Variants in DLC1 observed in about 807,000 individuals in gnomAD.
DLC1 encodes the protein rho GTPase-activating protein 7.
In DLC1, 54 loss-of-function variants were observed where a neutral mutation model predicts 140.3. The observed-to-expected ratio is 0.38, with a 90% CI of 0.31 to 0.48. The LOEUF is 0.48. Among genes scored for constraint, DLC1 ranks in the 20% least tolerant of loss-of-function variants. The pLI is 0.96. For missense variants in DLC1, 2,536 were observed against 1,907.0 expected (o/e 1.33, Z -6.14); for synonymous variants, 986 against 728.1 (o/e 1.35, Z -5.70).
chr8:13,419,199 C>G (rs1042146717), intron 2 of DLC1, among the ~76,000 whole-genome samples: 1 of 151,804 alleles, frequency 6.6e-6, no homozygotes, highest in Admixed American at 6.6e-5. Context: ...AATTGAATAC[C>G]GTTTATTTCC....
chr8:13,357,319 CTGTT>C (rs1442632080), intron 4 of DLC1, among the ~76,000 whole-genome samples: 2 of 152,188 alleles, frequency 1.3e-5, no homozygotes, highest in African/African-American at 4.8e-5. Flanking sequence ...TCCAAATTCA[CTGTT>C]TGACACCTAT....
intron 5 of DLC1, among the ~76,000 whole-genome samples, chr8:13,136,669 G>C (rs1452730668): frequency 6.6e-6 from 1 of 152,150 alleles, no homozygotes; most frequent in Admixed American, 6.6e-5. Flanking sequence ...CAAGTAGCTG[G>C]CACTACAGGT....
chr8:13,088,911 T>C (rs1012975803), intron 15 of DLC1, among the ~76,000 whole-genome samples: 1 of 152,146 alleles, frequency 6.6e-6, no homozygotes, highest in African/African-American at 2.4e-5. Flanking sequence ...TCCCCAAGCA[T>C]ATTTAAGAGC....
chr8:13,416,192 T>G (rs1211135309), intron 2 of DLC1, among the ~76,000 whole-genome samples: 1 of 152,150 alleles, frequency 6.6e-6, no homozygotes, highest in Non-Finnish European at 1.5e-5. Context: ...TTCACTGTCT[T>G]TCTACATCCT....
chr8:13,436,365 A>G (rs938044633), intron 2 of DLC1, among the ~76,000 whole-genome samples: 5 of 152,220 alleles, frequency 3.3e-5, no homozygotes, highest in Non-Finnish European at 2.9e-5. Context: ...CGAAAATGAC[A>G]TCATATCAAA....
At chr8:13,364,631 C>T (rs1291478408) in intron 4 of DLC1, among the ~76,000 whole-genome samples, 2 of 152,158 alleles carry the variant, frequency 1.3e-5, no homozygotes, top group South Asian at 2.1e-4. Context: ...CTTTTGTTTA[C>T]TGACCCTACA....
intron 4 of DLC1, among the ~76,000 whole-genome samples, chr8:13,360,590 A>G (rs1382407917): frequency 6.6e-6 from 1 of 152,166 alleles, no homozygotes; most frequent in Non-Finnish European, 1.5e-5. Flanking sequence ...TCTCCAGTTA[A>G]TCCTAATATG....
intron 2 of DLC1, among the ~76,000 whole-genome samples, chr8:13,422,282 A>G (rs1323979843): frequency 2.0e-5 from 3 of 152,156 alleles, no homozygotes; most frequent in Non-Finnish European, 2.9e-5. Context: ...TACTGTTCTC[A>G]GAAGCCCATG....
At chr8:13,136,859 T>C (rs1822597778) in intron 5 of DLC1, among the ~76,000 whole-genome samples, 1 of 152,220 alleles carries the variant, frequency 6.6e-6, no homozygotes, top group Non-Finnish European at 1.5e-5. Flanking sequence ...TTTTCATGGC[T>C]GTGTAGTTGA....
chr8:13,430,083 T>G (rs1838791478), intron 2 of DLC1, among the ~76,000 whole-genome samples: 1 of 152,152 alleles, frequency 6.6e-6, no homozygotes. Context: ...TCAGAATCTG[T>G]GGGAATGGTA....
intron 5 of DLC1, among the ~76,000 whole-genome samples, chr8:13,169,414 G>A (rs192771457): frequency 6.3e-4 from 96 of 152,290 alleles, no homozygotes; most frequent in African/African-American, 2.2e-3. Context: ...TTCCTATCTT[G>A]TAAGGTTTTA....
At chr8:13,381,023 AG>A (rs780499991) in intron 4 of DLC1, among the ~76,000 whole-genome samples, 11 of 152,190 alleles carry the variant, frequency 7.2e-5, no homozygotes, top group Non-Finnish European at 1.0e-4. Context: ...GGGACTTCAA[AG>A]GGACCTTATA....
intron 1 of DLC1, among the ~76,000 whole-genome samples, chr8:13,577,537 G>C (rs2410092): frequency 2.3e-4 from 35 of 152,032 alleles, no homozygotes; most frequent in African/African-American, 8.4e-4. Context: ...ATTTGAATTC[G>C]GTATTAATTA....
intron 1 of DLC1, among the ~76,000 whole-genome samples, chr8:13,603,718 C>A (rs965015214): frequency 3.9e-5 from 6 of 151,990 alleles, no homozygotes. Flanking sequence ...TGTGCAATTA[C>A]TTTAGGGAAG....
Position 13,214,793 on chromosome 8 carries a change from G to T in DLC1, c.1348+90476C>A, listed in dbSNP as rs1017662684. 3 of 778,996 alleles carry T rather than the reference G, an allele frequency of 3.9e-6. No individual in the cohort carries two copies. In the South Asian group the frequency reaches 4.0e-5, roughly 10 times the overall value. 48.3% of individuals were successfully genotyped at this position (778,996 alleles called of 1,614,324 possible). On this transcript the variant is annotated intron_variant, in intron 5 of 17. Coordinates refer to ENST00000276297, the MANE Select transcript of DLC1 (RefSeq NM_182643.3). ...TTTACCGCTGCTGGGTTCCAGGGGA[G>T]GTAAAAAGGAGAGGAGAAAATGATT... is the stretch of plus-strand genomic sequence containing the variant.
Position 13,099,341 on chromosome 8 carries a change from T to C in DLC1, c.2990+6A>G. 5 of 1,611,268 alleles carry C rather than the reference T, an allele frequency of 3.1e-6. No homozygotes were observed. Among genetic ancestry groups the C allele is most frequent in the Non-Finnish European group, 1.7e-6 (2 of 1,178,866 alleles). On this transcript the variant is annotated splice_donor_region_variant and intron_variant, in intron 9 of 17. Coordinates refer to ENST00000276297, the MANE Select transcript of DLC1 (RefSeq NM_182643.3). Reference sequence around the variant, plus strand: ...CCACACCCGGAGGCAGGAGAAAAGTTCTTACCTGTTGGACCTGGTTAGGGA... The same window carrying C: ...CCACACCCGGAGGCAGGAGAAAAGTCCTTACCTGTTGGACCTGGTTAGGGA...
At chr8:13,533,048 G>A (rs987053513) in intron 1 of DLC1, among the ~76,000 whole-genome samples, 1 of 152,148 alleles carries the variant, frequency 6.6e-6, no homozygotes. Context: ...TAGATAAAAT[G>A]GGAGTATTAT....
intron 5 of DLC1, among the ~76,000 whole-genome samples, chr8:13,144,273 C>A (rs979843093): frequency 6.6e-6 from 1 of 152,194 alleles, no homozygotes; most frequent in African/African-American, 2.4e-5. Flanking sequence ...CTTCTCTGGC[C>A]TTCAGACTTG....
At position 13,298,384 on chromosome 8, in the gene DLC1, T is replaced by A. The variant is rs76269901; in HGVS notation, c.1348+6885A>T. On this transcript the variant is annotated intron_variant, in intron 5 of 17. Coordinates refer to ENST00000276297, the MANE Select transcript of DLC1 (RefSeq NM_182643.3). Reference sequence around the variant, plus strand: ...TGGCCGTTGGGTTGAGTAGTAGGAGTAATGGAGAAGGTTAAATAAAAAGCT... The same window carrying A: ...TGGCCGTTGGGTTGAGTAGTAGGAGAAATGGAGAAGGTTAAATAAAAAGCT... Among the ~76,000 whole-genome samples, 23 of 152,122 alleles carry A rather than the reference T, an allele frequency of 1.5e-4. 1 individual carries two copies. The East Asian group carries it at 4.4e-3, about 29-fold the overall frequency.
Sources: allele counts gnomAD v4.1 joint callset (sites outside exome capture counted in the v4.1 genomes callset), GRCh38; gene constraint gnomAD v4.1.1; transcripts MANE v1.5; gene names NCBI Gene and HGNC (gene_info 2026-07-23, HGNC 2026-07-21).